The following CCSER1 variants were observed in gnomAD, a reference collection of about 807,000 sequenced individuals.
The protein encoded by CCSER1 is serine-rich coiled-coil domain-containing protein 1.
In CCSER1, 41 loss-of-function variants were observed where a neutral mutation model predicts 82.0. The observed-to-expected ratio is 0.50, with a 90% confidence interval of 0.39 to 0.65. The LOEUF (loss-of-function observed/expected upper bound fraction) is 0.65, where lower values mean the gene tolerates loss of function less well. Ranked by LOEUF, CCSER1 falls within the 30% of genes least tolerant of loss-of-function variation. The probability of loss-of-function intolerance (pLI) is 0.00; values close to 1 mark genes in which losing one functional copy is unlikely to be tolerated. For missense variants in CCSER1, 1,119 were observed against 1,064.2 expected (o/e 1.05, Z -0.72); for synonymous variants, 414 against 383.9 (o/e 1.08, Z -0.92).
At chr4:90,157,939 G>A (rs1728604731) in intron 1 of CCSER1, among the ~76,000 whole-genome samples, 1 of 152,204 alleles carries the variant, frequency 6.6e-6, no homozygotes, top group Non-Finnish European at 1.5e-5. Flanking sequence ...CTTTGGAGGA[G>A]GAGAGGCGCT....
At chr4:91,497,253 G>C (rs1270803246) in intron 10 of CCSER1, among the ~76,000 whole-genome samples, 1 of 151,518 alleles carries the variant, frequency 6.6e-6, no homozygotes, top group East Asian at 1.9e-4. Context: ...AAAATTAAAT[G>C]ATGTAAAAAA....
chr4:90,759,035 C>T (rs887229120), intron 7 of CCSER1, among the ~76,000 whole-genome samples: 1 of 152,168 alleles, frequency 6.6e-6, no homozygotes, highest in Non-Finnish European at 1.5e-5. Flanking sequence ...TGTCTTCTTA[C>T]TGGAACATCT....
intron 10 of CCSER1, among the ~76,000 whole-genome samples, chr4:91,591,353 T>C (rs1438735973): frequency 6.6e-6 from 1 of 152,158 alleles, no homozygotes; most frequent in Non-Finnish European, 1.5e-5. Context: ...GGACAATGGC[T>C]TCTTGATATC....
At chr4:91,196,177 A>C (rs1252192345) in intron 10 of CCSER1, among the ~76,000 whole-genome samples, 1 of 140,126 alleles carries the variant, frequency 7.1e-6, no homozygotes, top group Non-Finnish European at 1.5e-5. Context: ...AAACAGCGAG[A>C]CAAAAAAAAA....
At chr4:91,557,973 A>G (rs1229406895) in intron 10 of CCSER1, among the ~76,000 whole-genome samples, 2 of 151,316 alleles carry the variant, frequency 1.3e-5, no homozygotes, top group Non-Finnish European at 3.0e-5. Flanking sequence ...ACAAAAAAAG[A>G]TATTAATGGG....
intron 7 of CCSER1, among the ~76,000 whole-genome samples, chr4:90,743,223 A>G (rs1005668315): frequency 6.6e-5 from 10 of 152,210 alleles, no homozygotes; most frequent in Admixed American, 2.0e-4. Flanking sequence ...GCAGAAACTT[A>G]CTTGTGTCCC....
intron 1 of CCSER1, among the ~76,000 whole-genome samples, chr4:90,296,035 C>A (rs1210106224): frequency 6.6e-6 from 1 of 151,920 alleles, no homozygotes; most frequent in African/African-American, 2.4e-5. Context: ...TACTAATAAA[C>A]ATATATTTTA....
chr4:91,269,194 G>C (rs748304634), intron 10 of CCSER1, among the ~76,000 whole-genome samples: 1 of 152,172 alleles, frequency 6.6e-6, no homozygotes, highest in Non-Finnish European at 1.5e-5. Flanking sequence ...TGCTCCAAAA[G>C]GGATTTTAAG....
intron 10 of CCSER1, among the ~76,000 whole-genome samples, chr4:91,520,846 C>G (rs895099657): frequency 3.9e-5 from 6 of 152,116 alleles, no homozygotes; most frequent in African/African-American, 1.4e-4. Flanking sequence ...TGTGAATTAT[C>G]AGTTGGAAAA....
chr4:91,586,082 T>C (rs1763977329), intron 10 of CCSER1, among the ~76,000 whole-genome samples: 1 of 151,462 alleles, frequency 6.6e-6, no homozygotes, highest in African/African-American at 2.4e-5. Context: ...CAACTAGTGA[T>C]AGAGTGTAGA....
intron 10 of CCSER1, among the ~76,000 whole-genome samples, chr4:91,089,376 G>A (rs958174694): frequency 1.4e-4 from 22 of 152,202 alleles, no homozygotes; most frequent in African/African-American, 5.1e-4. Context: ...TGGGTCTGGT[G>A]CCTGGCTCTG....
chr4:90,372,432 TGA>T (rs1402474300), intron 3 of CCSER1, among the ~76,000 whole-genome samples: 1 of 152,054 alleles, frequency 6.6e-6, no homozygotes, highest in Admixed American at 6.6e-5. Context: ...GAGCATGGTG[TGA>T]GAGATGTTTA....
chr4:90,718,413 A>ATAGC (rs1439738535), intron 6 of CCSER1, among the ~76,000 whole-genome samples: 1 of 152,112 alleles, frequency 6.6e-6, no homozygotes, highest in African/African-American at 2.4e-5. Context: ...GGGGAGGCAT[A>ATAGC]ATTAATGGAT....
chr4:90,432,391 C>T (rs1476191135), intron 4 of CCSER1, among the ~76,000 whole-genome samples: 1 of 152,168 alleles, frequency 6.6e-6, no homozygotes, highest in Non-Finnish European at 1.5e-5. Flanking sequence ...TCTTTGTGAA[C>T]TCCAGTTCTG....
At chr4:90,335,910 G>A (rs764970789) in intron 3 of CCSER1, among the ~76,000 whole-genome samples, 17 of 152,140 alleles carry the variant, frequency 1.1e-4, no homozygotes, top group Non-Finnish European at 2.9e-5. Context: ...GAGCCATCAC[G>A]CCCGACATAG....
intron 10 of CCSER1, among the ~76,000 whole-genome samples, chr4:91,405,647 C>A (rs1314007067): frequency 6.6e-6 from 1 of 152,198 alleles, no homozygotes; most frequent in African/African-American, 2.4e-5. Context: ...AGCAGTGAGC[C>A]TGGCTCCGTG....
intron 7 of CCSER1, chr4:90,780,401 T>C (rs1432570834): frequency 1.3e-6 from 2 of 1,590,402 alleles, no homozygotes; most frequent in African/African-American, 2.7e-5. Context: ...GCTGAGTTGG[T>C]AGAATATAAG....
chr4:91,226,614 A>G (rs1275163289), intron 10 of CCSER1, among the ~76,000 whole-genome samples: 3 of 151,908 alleles, frequency 2.0e-5, no homozygotes, highest in Admixed American at 6.6e-5. Flanking sequence ...ATAATTTTGT[A>G]GTGATTAAAG....
At chr4:90,291,908 A>G (rs1282098320) in intron 1 of CCSER1, among the ~76,000 whole-genome samples, 2 of 152,076 alleles carry the variant, frequency 1.3e-5, no homozygotes, top group East Asian at 3.9e-4. Context: ...TTAGAATGTT[A>G]TATTATGTAA....
Sources: allele counts gnomAD v4.1 joint callset (sites outside exome capture counted in the v4.1 genomes callset), GRCh38; gene constraint gnomAD v4.1.1; transcripts MANE v1.5; gene names NCBI Gene and HGNC (gene_info 2026-07-23, HGNC 2026-07-21).